FHIT: variants seen among roughly 807,000 people sequenced by gnomAD.
FHIT encodes fragile histidine triad diadenosine triphosphatase.
FHIT carries 19 observed loss-of-function variants against 17.9 expected under a neutral mutation model. The observed-to-expected ratio is 1.06, with a 90% confidence interval of 0.74 to 1.56. The LOEUF (loss-of-function observed/expected upper bound fraction) is 1.56, where lower values mean the gene tolerates loss of function less well. Among genes scored for constraint, FHIT ranks in the 40% most tolerant of loss-of-function variants. The probability of loss-of-function intolerance (pLI) is 0.00; values close to 1 mark genes in which losing one functional copy is unlikely to be tolerated. For missense variants in FHIT, 248 were observed against 189.2 expected (o/e 1.31, Z -1.82); for synonymous variants, 81 against 69.7 (o/e 1.16, Z -0.81).
At chr3:61,082,832 G>A (rs1169712421) in intron 2 of FHIT, among the ~76,000 whole-genome samples, 1 of 151,966 alleles carries the variant, frequency 6.6e-6, no homozygotes, top group Non-Finnish European at 1.5e-5. Flanking sequence ...TTTTGTAAAG[G>A]GCTTGTTCAA....
At chr3:60,039,960 T>C (rs1701369351) in intron 5 of FHIT, among the ~76,000 whole-genome samples, 2 of 152,202 alleles carry the variant, frequency 1.3e-5, no homozygotes, top group African/African-American at 4.8e-5. Flanking sequence ...AGTCATAAAA[T>C]ATTTATGGAG....
chr3:61,048,628 G>T (rs1044851518), intron 2 of FHIT, among the ~76,000 whole-genome samples: 10 of 152,156 alleles, frequency 6.6e-5, no homozygotes, highest in Admixed American at 1.3e-4. Flanking sequence ...CTATTACTGG[G>T]TATATACCCA....
chr3:60,994,066 T>C (rs1265640284), intron 3 of FHIT, among the ~76,000 whole-genome samples: 1 of 152,252 alleles, frequency 6.6e-6, no homozygotes, highest in Non-Finnish European at 1.5e-5. Context: ...CAAATATTAA[T>C]TACATGCTGT....
At chr3:60,459,469 T>C (rs575490679) in intron 5 of FHIT, among the ~76,000 whole-genome samples, 1 of 152,326 alleles carries the variant, frequency 6.6e-6, no homozygotes, top group Non-Finnish European at 1.5e-5. Flanking sequence ...ACAGCACCTC[T>C]TTGAGTTTCA....
chr3:60,228,344 G>C (rs1486933531), intron 5 of FHIT, among the ~76,000 whole-genome samples: 1 of 152,070 alleles, frequency 6.6e-6, no homozygotes, highest in East Asian at 1.9e-4. Flanking sequence ...CCAGCACAGG[G>C]CTTTCTTTTG....
intron 6 of FHIT, 58 bp from the exon 7 acceptor site, chr3:60,011,458 T>C (rs760432481): frequency 1.5e-5 from 20 of 1,360,414 alleles, no homozygotes; most frequent in Non-Finnish European, 2.1e-5. Flanking sequence ...CTCCTGCTTA[T>C]TCAGAAATAT....
intron 4 of FHIT, among the ~76,000 whole-genome samples, chr3:60,537,818 T>A (rs890803137): frequency 6.6e-6 from 1 of 152,172 alleles, no homozygotes; most frequent in Admixed American, 6.5e-5. Flanking sequence ...ACTTTGTGAA[T>A]GACTAAGAAA....
At chr3:61,141,747 A>G (rs1349301151) in intron 2 of FHIT, among the ~76,000 whole-genome samples, 3 of 151,566 alleles carry the variant, frequency 2.0e-5, no homozygotes, top group Non-Finnish European at 4.4e-5. Flanking sequence ...AGCTTCTTCA[A>G]TTGGCTGACC....
intron 5 of FHIT, among the ~76,000 whole-genome samples, chr3:60,372,115 C>T (rs1307672130): frequency 6.6e-6 from 1 of 151,906 alleles, no homozygotes; most frequent in Admixed American, 6.6e-5. Flanking sequence ...TGTACTTTTA[C>T]CCAAATGGTC....
chr3:60,455,520 T>C (rs1226333690), intron 5 of FHIT, among the ~76,000 whole-genome samples: 1 of 152,162 alleles, frequency 6.6e-6, no homozygotes, highest in Non-Finnish European at 1.5e-5. Flanking sequence ...GTGATAATGT[T>C]TTGTTGAGCA....
chr3:60,609,434 T>C (rs1553672552), intron 4 of FHIT, among the ~76,000 whole-genome samples: 1 of 152,100 alleles, frequency 6.6e-6, no homozygotes, highest in African/African-American at 2.4e-5. Context: ...CAAGTGATTC[T>C]CCTGCCTCAG....
At chr3:60,689,336 G>T (rs1321854243) in intron 4 of FHIT, among the ~76,000 whole-genome samples, 1 of 152,044 alleles carries the variant, frequency 6.6e-6, no homozygotes, top group Non-Finnish European at 1.5e-5. Context: ...AAAAAAAAAT[G>T]GCATCTATAC....
chr3:60,504,903 G>C (rs1042966475), intron 5 of FHIT, among the ~76,000 whole-genome samples: 2 of 152,106 alleles, frequency 1.3e-5, no homozygotes, highest in African/African-American at 4.8e-5. Flanking sequence ...TCAATAGTCT[G>C]AAAGCACAAA....
At chr3:59,865,063 T>C (rs11928015) in intron 8 of FHIT, among the ~76,000 whole-genome samples, 56,195 of 151,860 alleles carry the variant, frequency 0.37, 11,711 homozygotes, top group East Asian at 0.6. Context: ...CTAGGTCAAA[T>C]AGATGGTTCC....
At chr3:60,366,303 G>C (rs112721840) in intron 5 of FHIT, among the ~76,000 whole-genome samples, 2,484 of 152,170 alleles carry the variant, frequency 0.016, 68 homozygotes, top group African/African-American at 0.056. Flanking sequence ...AGCCTCATGA[G>C]TAGTAGAGAT....
chr3:60,511,174 A>T (rs74968681), intron 5 of FHIT, among the ~76,000 whole-genome samples: 2,128 of 152,320 alleles, frequency 0.014, 56 homozygotes, highest in African/African-American at 0.048. Flanking sequence ...AATTAAAATG[A>T]TAATATTAAC....
intron 4 of FHIT, among the ~76,000 whole-genome samples, chr3:60,636,316 G>A (rs983163976): frequency 1.4e-4 from 22 of 152,188 alleles, no homozygotes; most frequent in Admixed American, 5.9e-4. Flanking sequence ...TGATCCACCC[G>A]CCTTGGCCTC....
chr3:60,605,368 T>G (rs1285783586), intron 4 of FHIT, among the ~76,000 whole-genome samples: 1 of 152,076 alleles, frequency 6.6e-6, no homozygotes, highest in Non-Finnish European at 1.5e-5. Context: ...ATCAATAGAG[T>G]AAAATGCTTT....
intron 2 of FHIT, among the ~76,000 whole-genome samples, chr3:61,180,338 G>A (rs77826799): frequency 7.2e-5 from 11 of 152,286 alleles, no homozygotes; most frequent in African/African-American, 1.7e-4. Context: ...TAACAATTGC[G>A]TTTAAAATGT....
Sources: gnomAD v4.1 joint callset for allele counts (sites outside exome capture counted in the v4.1 genomes callset) on GRCh38, gnomAD v4.1.1 for gene constraint, MANE v1.5 for transcripts, NCBI Gene and HGNC (gene_info 2026-07-23, HGNC 2026-07-21) for gene names.